TAF1C: variants seen among roughly 807,000 people sequenced by gnomAD.
TAF1C encodes the protein TATA box-binding protein-associated factor RNA polymerase I subunit C.
TAF1C carries 79 observed loss-of-function variants against 70.5 expected under a neutral mutation model. The ratio of observed to expected loss-of-function variants is 1.12; its 90% CI spans 0.93 to 1.35. The LOEUF is 1.35. Among genes scored for constraint, TAF1C ranks in the 40% most tolerant of loss-of-function variants. TAF1C has a pLI of 0.00. For synonymous variants in TAF1C, 614 were observed against 491.1 expected, an observed-to-expected ratio of 1.25 and a Z score of -3.31; for missense variants, 1,412 against 1,127.8, an observed-to-expected ratio of 1.25 and a Z score of -3.61.
At position 84,180,320 on chromosome 16, in the gene TAF1C, G is replaced by A. The variant is rs1184260879; in HGVS notation, c.1333C>T (p.Arg445Cys). The A allele has an allele frequency of 2.3e-5, 35 of 1,545,820 alleles. No homozygotes were observed. The highest frequency in any genetic ancestry group is 2.8e-5 in the Non-Finnish European group (32 of 1,147,178). The change falls in exon 13 of 15, where the codon CGC (arginine) becomes TGC (cysteine). Residue 445 changes from arginine to cysteine, a missense_variant. Coordinates refer to ENST00000566732, the MANE Select transcript of TAF1C (RefSeq NM_001243156.2). ...TTCAGCATCGGCACCAGGGGAAGGC[G>A]CTCGTCCACTAGGTAGAGAGAGAAC... ...TQFSLYLVDERLPLVPMLKWN... is the reference protein window; with the variant it reads ...TQFSLYLVDECLPLVPMLKWN...
Position 84,177,980 on chromosome 16 carries a change from C to A in TAF1C, c.*961G>T. ...TGTGAGTCACATGCAATTCCTTTCA[C>A]CAGCCAACCTGAAAAAAGACCTTTC... On this transcript the variant is annotated 3_prime_UTR_variant, in exon 15 of 15. Coordinates refer to ENST00000566732, the MANE Select transcript of TAF1C (RefSeq NM_001243156.2). The A allele has an allele frequency of 1.3e-6, 1 of 756,016 alleles. No homozygotes were observed. The highest frequency in any genetic ancestry group is 2.3e-6 in the Non-Finnish European group (1 of 435,640). The allele number at this position is 756,016 out of a possible 1,614,324, so 46.8% of individuals were successfully genotyped here.
rs760119210 is a variant in TAF1C, at chr16:84,181,458, CGCAGCCTTGGGGAGACAG to C, written c.1029-13_1033del. 6.2e-7 allele frequency: 1 copy of C among 1,613,552 alleles called. No individual in the cohort carries two copies. Among genetic ancestry groups the C allele is most frequent in the Non-Finnish European group, 8.5e-7 (1 of 1,179,954 alleles). ...GGTCTCAGGGTCCCTGTAGATTTGC[CGCAGCCTTGGGGAGACAG>C]GCAAGCCGTGGGCAGGGGGACAGGC... On this transcript the variant is annotated splice_acceptor_variant and splice_polypyrimidine_tract_variant and coding_sequence_variant and intron_variant, in exon 11 of 15. Coordinates refer to ENST00000566732, the MANE Select transcript of TAF1C (RefSeq NM_001243156.2). LOFTEE classifies it high-confidence loss of function.
In TAF1C at chr16:84,182,059, C is replaced by G; in HGVS notation, c.722-1G>C. On this transcript the variant is annotated splice_acceptor_variant, in intron 7 of 14. Transcript: ENST00000566732. LOFTEE classifies it high-confidence loss of function. The surrounding 1 kb of genome is among the most constrained non-coding windows in gnomAD (Gnocchi z 5.0). The stretch of plus-strand genomic sequence containing the variant: ...GGGGTCAGAACGACCTCTTGGAAAT[C>G]TGGGCCTCTCACTAAGGATCAGTGC... 6.2e-7 allele frequency: 1 copy of G among 1,612,880 alleles called. No homozygotes were observed. Among genetic ancestry groups the G allele is most frequent in the Non-Finnish European group, 8.5e-7 (1 of 1,179,752 alleles).
rs1350260154 is a variant in TAF1C at position 84,180,201 on chromosome 16, C to G, written c.1452G>C (p.Gln484His). 3.9e-6 allele frequency: 6 copies of G among 1,540,678 alleles called. No individual in the cohort carries two copies. The highest frequency in any genetic ancestry group is 1.4e-5 in the African/African-American group (1 of 72,120). ...SCVQPLLLGG[Q>H]GGQLQLLHLA... The stretch of plus-strand genomic sequence containing the variant: ...GGTGCAGCAGCTGCAGCTGCCCACC[C>G]TGGCCTCCGAGGAGCAGGGGCTGCA... Residue 484 changes from glutamine (Q) to histidine (H), a missense_variant, in exon 13 of 15, where the codon CAG becomes CAC. Transcript: ENST00000566732.
intron 12 of TAF1C, 106 bp from the exon 13 acceptor site, chr16:84,180,450 G>T: frequency 8.5e-7 from 1 of 1,181,656 alleles, no homozygotes. Context: ...AGCCCTGAGG[G>T]GCAGCAGCAT....
rs1280789692 is a variant in TAF1C at position 84,183,160 on chromosome 16, A to G, written c.409-11T>C. Reference sequence around the variant, plus strand: ...CTTCTTAGTGCGGCTCTGCATGGAAAGGCCTTGTCAGGCTCACACACCCTC... The same window carrying G: ...CTTCTTAGTGCGGCTCTGCATGGAAGGGCCTTGTCAGGCTCACACACCCTC... On this transcript the variant is annotated splice_polypyrimidine_tract_variant and intron_variant, in intron 5 of 14. Coordinates refer to ENST00000566732, the MANE Select transcript of TAF1C (RefSeq NM_001243156.2). The G allele has an allele frequency of 1.2e-6, 2 of 1,613,888 alleles. No homozygotes were observed. The highest frequency in any genetic ancestry group is 3.3e-5 in the Admixed American group (2 of 59,990).
At chr16:84,183,564 C>G in intron 3 of TAF1C, 57 bp from the exon 4 acceptor site, 1 of 1,563,912 alleles carries the variant, frequency 6.4e-7, no homozygotes, top group Middle Eastern at 1.8e-4. Flanking sequence ...GCCAGATGCC[C>G]TGGGCGACTG....
rs1216432885 is a variant in TAF1C at position 84,178,845 on chromosome 16, G to A, written c.*96C>T. 3 of 1,379,530 alleles carry A rather than the reference G, an allele frequency of 2.2e-6. No individual in the cohort carries two copies. The highest frequency in any genetic ancestry group is 4.7e-5 in the Admixed American group (2 of 42,430). 85.5% of individuals were successfully genotyped at this position (1,379,530 alleles called of 1,614,324 possible). On this transcript the variant is annotated 3_prime_UTR_variant, in exon 15 of 15. Coordinates refer to ENST00000566732, the MANE Select transcript of TAF1C (RefSeq NM_001243156.2). ...CACAGTGGCCTCCAGAAGGTGGCGAGCTCTGCTTCTCAAGTTTCAACTGTG... is the reference window on the plus strand; with the variant it reads ...CACAGTGGCCTCCAGAAGGTGGCGAACTCTGCTTCTCAAGTTTCAACTGTG...
Position 84,180,288 on chromosome 16 carries a change from G to A in TAF1C, c.1365C>T (p.Asn455=). 6.5e-7 allele frequency: 1 copy of A among 1,549,788 alleles called. No homozygotes were observed. Among genetic ancestry groups the A allele is most frequent in the Non-Finnish European group, 8.7e-7 (1 of 1,148,394 alleles). ...GCAGGAGCGGGGAGGGGAGGCCATG[G>A]TTCCACTTCAGCATCGGCACCAGGG... ...RLPLVPMLKW[N]HGLPSPLLLA... The change falls in exon 13 of 15, where the codon AAC becomes AAT. Residue 455 remains asparagine, a synonymous_variant. Transcript: ENST00000566732.
rs1396796925 is a variant in TAF1C at position 84,179,396 on chromosome 16, C to T, written c.2077G>A (p.Glu693Lys). Reference protein sequence around the residue: ...PESGLEDKLSERLGEAWAGRG... With the variant: ...PESGLEDKLSKRLGEAWAGRG... ...CCTGCCCAGGCTTCCCCCAGGCGCT[C>T]ACTGAGCTTGTCCTCTAGGCCTGAC... Residue 693 changes from glutamate to lysine, a missense_variant, in exon 15 of 15, where the codon GAG becomes AAG. Glu to Lys is a moderately conservative substitution (Grantham distance 56, BLOSUM62 1). Transcript: ENST00000566732. The T allele has an allele frequency of 1.9e-6, 3 of 1,598,266 alleles. No homozygotes were observed. The highest frequency in any genetic ancestry group is 2.5e-6 in the Non-Finnish European group (3 of 1,177,964).
chr16:84,180,540 G>A (rs567386897), intron 12 of TAF1C, 196 bp from the exon 13 acceptor site: 2 of 631,962 alleles, frequency 3.2e-6, no homozygotes, highest in African/African-American at 1.9e-5. Flanking sequence ...AATTCTGACC[G>A]ACAGTCCGGT....
chr16:84,180,948 G>C (rs1179127022), intron 12 of TAF1C, 95 bp downstream of exon 12: 1 of 1,470,204 alleles, frequency 6.8e-7, no homozygotes, highest in African/African-American at 1.4e-5. Flanking sequence ...CTGGGTGGTT[G>C]TCTGGGCCCA....
In TAF1C at chr16:84,181,763, G is replaced by C. The variant is rs371175574; in HGVS notation, c.939C>G (p.Ala313=). The change falls in exon 9 of 15, where the codon GCC becomes GCG. Residue 313 remains alanine (A), a synonymous_variant. Coordinates refer to ENST00000566732, the MANE Select transcript of TAF1C (RefSeq NM_001243156.2). ...LLQAMQVEKG[A]TGISLSPHLP... ...CCCCTCACCTGAGGCTGATCCCCGT[G>C]GCCCCTTTCTCCACCTGCATTGCCT... 1 of 1,613,934 alleles carries C rather than the reference G, an allele frequency of 6.2e-7. No individual in the cohort carries two copies. The highest frequency in any genetic ancestry group is 1.7e-5 in the Admixed American group (1 of 59,982).
At position 84,182,526 on chromosome 16, in the gene TAF1C, C is replaced by CA; in HGVS notation, c.483-87dup. The stretch of plus-strand genomic sequence containing the variant: ...TCCCAAGGAGGCCAAGTGCAGTGGA[C>CA]ACATTTCTTATTTACCTAGAATTTC... On this transcript the variant is annotated intron_variant, in intron 6 of 14. Transcript: ENST00000566732. This position sits in a 1 kb window ranked among gnomAD's most constrained non-coding sequence, Gnocchi z 5.0. 1 of 1,240,436 alleles carries CA rather than the reference C, an allele frequency of 8.1e-7. No homozygotes were observed. The highest frequency in any genetic ancestry group is 1.1e-6 in the Non-Finnish European group (1 of 904,972). The allele number at this position is 1,240,436 out of a possible 1,614,324, so 76.8% of individuals were successfully genotyped here.
chr16:84,183,133 T>G lies in TAF1C; in HGVS notation c.425A>C (p.Lys142Thr), dbSNP rs149348979. The G allele has an allele frequency of 2.2e-4, 359 of 1,613,958 alleles. No homozygotes were observed. Among genetic ancestry groups the G allele is most frequent in the Middle Eastern group, 3.3e-4 (2 of 6,062 alleles). Residue 142 changes from lysine (K) to threonine (T), a missense_variant, in exon 6 of 15, where the codon AAG becomes ACG. Lys to Thr is a moderately conservative substitution (Grantham distance 78). Transcript: ENST00000566732. ...LEGAGSRTKK[K>T]TVVSVKKLLQ... ...CAGCTTCTTCACACTGACCACTGTC[T>G]TCTTCTTAGTGCGGCTCTGCATGGA...
chr16:84,183,751 G>A lies in TAF1C; in HGVS notation c.166C>T (p.Leu56=). Residue 56 remains leucine, a synonymous_variant, in exon 3 of 15, where the codon CTG becomes TTG. Coordinates refer to ENST00000566732, the MANE Select transcript of TAF1C (RefSeq NM_001243156.2). ...CCAGGGGTTGCCGGCTCCCACAGCA[G>A]GTCCTTGGTCACATGCAGTGCCCCA... ...ENGALHVTKD[L]LWEPATPGPL... is the part of the protein sequence containing the mutation. The A allele has an allele frequency of 6.2e-7, 1 of 1,613,024 alleles. No homozygotes were observed. Among genetic ancestry groups the A allele is most frequent in the Non-Finnish European group, 8.5e-7 (1 of 1,179,274 alleles).
Position 84,179,085 on chromosome 16 carries a change from T to C in TAF1C, c.2388A>G (p.Leu796=), listed in dbSNP as rs1389892505. The change falls in exon 15 of 15, where the codon CTA becomes CTG. Residue 796 remains leucine (L), a synonymous_variant. Transcript: ENST00000566732. ...AGCCTGGGGTGTCCCTCTGGGGTGG[T>C]AGCTTGGCCATGTAGTCACGGAGCA... The part of the protein sequence containing the change: ...RQMLRDYMAK[L]PPQRDTPGCA... The C allele has an allele frequency of 4.3e-6, 7 of 1,610,390 alleles. No individual in the cohort carries two copies. In the African/African-American group the frequency reaches 5.3e-5, roughly 12 times the overall value.
At chr16:84,183,592 T>C in intron 3 of TAF1C, 85 bp from the exon 4 acceptor site, 1 of 1,547,744 alleles carries the variant, frequency 6.5e-7, no homozygotes, top group South Asian at 1.2e-5. Flanking sequence ...CCAAGGGTCC[T>C]GAGCAGGCAC....
chr16:84,185,095 G>T, intron 1 of TAF1C, 35 bp from the exon 2 acceptor site: 1 of 1,353,654 alleles, frequency 7.4e-7, no homozygotes, highest in Non-Finnish European at 9.9e-7. Context: ...GGAAGCATAT[G>T]TTCTTTGAGG....
Sources: gnomAD v4.1 joint callset for allele counts on GRCh38, gnomAD v4.1.1 for gene constraint, Gnocchi (gnomAD v3.1) non-coding constraint, MANE v1.5 for transcripts, NCBI Gene and HGNC (gene_info 2026-07-23, HGNC 2026-07-21) for gene names.